PIWIL3: variants seen among roughly 807,000 people sequenced by gnomAD.
The protein encoded by PIWIL3 is piwi-like protein 3.
PIWIL3 carries 101 observed loss-of-function variants against 109.7 expected under a neutral mutation model. The observed-to-expected ratio is 0.92, with a 90% CI of 0.78 to 1.09. The LOEUF (loss-of-function observed/expected upper bound fraction) is 1.09. Ranked by LOEUF, PIWIL3 falls within the 50% of genes least tolerant of loss-of-function variation. The probability of loss-of-function intolerance (pLI) is 0.00; values close to 1 mark genes in which losing one functional copy is unlikely to be tolerated. For missense variants in PIWIL3, 1,031 were observed against 1,072.6 expected (o/e 0.96, Z 0.54); for synonymous variants, 373 against 376.4 (o/e 0.99, Z 0.10).
chr22:24,760,780 C>CAAAA (rs61469163), intron 2 of PIWIL3, among the ~76,000 whole-genome samples: 624 of 41,016 alleles, frequency 0.015, 55 homozygotes, highest in African/African-American at 0.026. Flanking sequence ...AACTCTGTCT[C>CAAAA]AAAAAAAAAA....
chr22:24,747,041 A>C (rs1462973133), intron 12 of PIWIL3, among the ~76,000 whole-genome samples: 3 of 152,196 alleles, frequency 2.0e-5, no homozygotes, highest in Non-Finnish European at 2.9e-5. Context: ...AGCAAAAAGA[A>C]CAAAACTGGA....
At chr22:24,740,141 C>T (rs1042009955) in intron 12 of PIWIL3, among the ~76,000 whole-genome samples, 14 of 145,816 alleles carry the variant, frequency 9.6e-5, no homozygotes, top group African/African-American at 2.0e-4. Context: ...TTGCTTGAAC[C>T]CAGGAGGTGG....
intron 12 of PIWIL3, among the ~76,000 whole-genome samples, chr22:24,741,877 T>C (rs1924028532): frequency 6.7e-6 from 1 of 148,642 alleles, no homozygotes. Flanking sequence ...CTATGAAACA[T>C]AGTACTATAA....
chr22:24,770,612 C>G (rs34336277), intron 1 of PIWIL3, among the ~76,000 whole-genome samples: 7,079 of 144,920 alleles, frequency 0.049, 264 homozygotes, highest in South Asian at 0.12. Context: ...CACCTGAGGT[C>G]AGGAGTTCGA....
At chr22:24,730,209 A>G (rs1433777964) in intron 14 of PIWIL3, among the ~76,000 whole-genome samples, 1 of 152,052 alleles carries the variant, frequency 6.6e-6, no homozygotes, top group Non-Finnish European at 1.5e-5. Flanking sequence ...TACTAAAAAT[A>G]CAAAAATTAT....
At chr22:24,761,471 G>A (rs1443773126) in intron 2 of PIWIL3, among the ~76,000 whole-genome samples, 1 of 152,180 alleles carries the variant, frequency 6.6e-6, no homozygotes, top group Non-Finnish European at 1.5e-5. Flanking sequence ...GAGTGGAAGG[G>A]CCCAGGGAAG....
At chr22:24,759,233 G>C (rs1294989590) in intron 3 of PIWIL3, among the ~76,000 whole-genome samples, 1 of 152,202 alleles carries the variant, frequency 6.6e-6, no homozygotes, top group Non-Finnish European at 1.5e-5. Flanking sequence ...GATAGGATCT[G>C]ATTATTAAAA....
At chr22:24,743,391 T>C (rs560162960) in intron 12 of PIWIL3, among the ~76,000 whole-genome samples, 1 of 152,358 alleles carries the variant, frequency 6.6e-6, no homozygotes, top group Non-Finnish European at 1.5e-5. Flanking sequence ...TACTTGCACA[T>C]GCAAGTTTAT....
intron 18 of PIWIL3, among the ~76,000 whole-genome samples, chr22:24,723,921 G>C (rs1202241352): frequency 3.3e-5 from 5 of 152,090 alleles, no homozygotes; most frequent in African/African-American, 1.2e-4. Flanking sequence ...CAAGTGATCT[G>C]CCTGCCTCGG....
intron 1 of PIWIL3, among the ~76,000 whole-genome samples, chr22:24,765,173 T>G (rs951166329): frequency 9.9e-5 from 15 of 152,232 alleles, no homozygotes; most frequent in African/African-American, 3.4e-4. Flanking sequence ...ATTCACTGTT[T>G]CACTGAAATG....
intron 19 of PIWIL3, among the ~76,000 whole-genome samples, chr22:24,720,981 T>G (rs887148883): frequency 6.6e-6 from 1 of 152,252 alleles, no homozygotes; most frequent in African/African-American, 2.4e-5. Flanking sequence ...TTGTCATGTA[T>G]GAAATCAAGG....
In PIWIL3 at chr22:24,728,359, G is replaced by T. The variant is rs141816343; in HGVS notation, c.1723C>A (p.Pro575Thr). 5.0e-6 allele frequency: 8 copies of T among 1,613,972 alleles called. No homozygotes were observed. In the African/African-American group the frequency reaches 1.1e-4, roughly 22 times the overall value. The change falls in exon 15 of 21, where the codon CCC becomes ACC. Residue 575 changes from proline (P) to threonine (T), a missense_variant. Transcript: ENST00000616349. The stretch of plus-strand genomic sequence containing the variant: ...TCATATCTACGTTTGTCATCATTGG[G>T]CAGGATACAAATCACCTTGAAAACC... ...PTLQMVICIL[P>T]NDDKRRYDSI...
intron 12 of PIWIL3, among the ~76,000 whole-genome samples, chr22:24,741,108 T>C (rs562101438): frequency 2.0e-5 from 3 of 152,278 alleles, no homozygotes; most frequent in East Asian, 3.9e-4. Context: ...GTTTAAAATA[T>C]GCAAGTCAAT....
intron 3 of PIWIL3, among the ~76,000 whole-genome samples, chr22:24,759,667 C>T (rs554329651): frequency 1.3e-5 from 2 of 152,342 alleles, no homozygotes; most frequent in Admixed American, 6.5e-5. Context: ...CTCCATCTCC[C>T]TTCCACAAGT....
Position 24,725,445 on chromosome 22 carries a change from C to T in PIWIL3, c.2080G>A (p.Ala694Thr). The change falls in exon 17 of 21, where the codon GCT becomes ACT. Residue 694 changes from alanine to threonine, a missense_variant and splice_region_variant. Coordinates refer to ENST00000616349, the MANE Select transcript of PIWIL3 (RefSeq NM_001255975.1). ...LVKELEICLK[A>T]ALDVWCKNES... ...TCCCCGACCGCTACAAGACACTGAC[C>T]TTTCAAGCAGATCTCCAGCTCTTTC... The T allele has an allele frequency of 6.2e-7, 1 of 1,613,782 alleles. No individual in the cohort carries two copies. Among genetic ancestry groups the T allele is most frequent in the South Asian group, 1.1e-5 (1 of 91,090 alleles).
At chr22:24,744,178 T>TTAAAAAAAAA (rs1924180538) in intron 12 of PIWIL3, among the ~76,000 whole-genome samples, 636 of 34,306 alleles carry the variant, frequency 0.019, 169 homozygotes, top group Non-Finnish European at 0.023. Flanking sequence ...GTGACCGAAT[T>TTAAAAAAAAA]AAAAAAAAAA....
intron 1 of PIWIL3, among the ~76,000 whole-genome samples, chr22:24,768,590 CAAG>C (rs1350846688): frequency 1.3e-5 from 2 of 152,136 alleles, no homozygotes; most frequent in African/African-American, 2.4e-5. Flanking sequence ...CAAAGGAAAA[CAAG>C]AAGCAGGAAG....
At chr22:24,744,489 C>T (rs1924235988) in intron 12 of PIWIL3, among the ~76,000 whole-genome samples, 1 of 152,160 alleles carries the variant, frequency 6.6e-6, no homozygotes, top group African/African-American at 2.4e-5. Context: ...AGGAGAATCG[C>T]TTGAACCCGG....
chr22:24,749,925 G>C, intron 9 of PIWIL3, 106 bp from the exon 10 acceptor site: 1 of 1,491,896 alleles, frequency 6.7e-7, no homozygotes. Context: ...AGGGCCACAG[G>C]CGTGCTGGTG....
Sources: gnomAD v4.1 joint callset for allele counts (sites outside exome capture counted in the v4.1 genomes callset) on GRCh38, gnomAD v4.1.1 for gene constraint, MANE v1.5 for transcripts, NCBI Gene and HGNC (gene_info 2026-07-23, HGNC 2026-07-21) for gene names.